Variants in PTH2R observed in about 807,000 individuals in gnomAD.
PTH2R encodes the protein PTH2 receptor.
In PTH2R, 59 loss-of-function variants were observed where a neutral mutation model predicts 60.3. The observed-to-expected ratio is 0.98, with a 90% CI of 0.79 to 1.22. The LOEUF (loss-of-function observed/expected upper bound fraction) is 1.22. Ranked by LOEUF, PTH2R falls within the 50% of genes most tolerant of loss-of-function variation. PTH2R has a pLI of 0.00. For synonymous variants in PTH2R, 256 were observed against 243.8 expected (o/e 1.05, Z -0.47); for missense variants, 749 against 682.6 (o/e 1.10, Z -1.08).
chr2:208,490,960 C>T (rs1703391589), intron 12 of PTH2R, among the ~76,000 whole-genome samples: 1 of 152,160 alleles, frequency 6.6e-6, no homozygotes, highest in Admixed American at 6.5e-5. Flanking sequence ...CAGTGAACAT[C>T]ATATTCTGGT....
chr2:208,475,607 A>T (rs546242963), intron 9 of PTH2R, among the ~76,000 whole-genome samples: 1 of 152,344 alleles, frequency 6.6e-6, no homozygotes, highest in Non-Finnish European at 1.5e-5. Flanking sequence ...TCCAATGTTT[A>T]TCTGACAACA....
intron 1 of PTH2R, among the ~76,000 whole-genome samples, chr2:208,369,370 CT>C (rs1035656784): frequency 1.3e-4 from 20 of 148,376 alleles, no homozygotes; most frequent in African/African-American, 4.8e-4. Flanking sequence ...GTCTCTCTCT[CT>C]TTTTTTTTTT....
chr2:208,464,412 C>T (rs1411309690), intron 9 of PTH2R, among the ~76,000 whole-genome samples: 1 of 152,140 alleles, frequency 6.6e-6, no homozygotes, highest in Non-Finnish European at 1.5e-5. Flanking sequence ...GACGGGCGCC[C>T]GAGGTCTCTT....
At chr2:208,432,325 C>T (rs185433686) in intron 2 of PTH2R, among the ~76,000 whole-genome samples, 217 of 152,136 alleles carry the variant, frequency 1.4e-3, no homozygotes, top group African/African-American at 4.7e-3. Flanking sequence ...TTAATAGGGA[C>T]GGCAGGCATC....
At chr2:208,395,099 G>A (rs888932310) in intron 1 of PTH2R, among the ~76,000 whole-genome samples, 3 of 151,720 alleles carry the variant, frequency 2.0e-5, no homozygotes, top group Admixed American at 1.3e-4. Flanking sequence ...CCAGGCTGGA[G>A]TGCAGTGGCG....
intron 1 of PTH2R, among the ~76,000 whole-genome samples, chr2:208,424,006 G>A (rs1157065041): frequency 1.3e-5 from 2 of 152,178 alleles, no homozygotes; most frequent in South Asian, 2.1e-4. Flanking sequence ...TGGTCCTGAT[G>A]TGTGGGGGTA....
chr2:208,438,993 A>G (rs946808855), intron 4 of PTH2R, among the ~76,000 whole-genome samples: 3 of 152,210 alleles, frequency 2.0e-5, no homozygotes, highest in Non-Finnish European at 1.5e-5. Flanking sequence ...AACATAAGTA[A>G]CATCAACATT....
chr2:208,476,180 A>G (rs1702998966), intron 9 of PTH2R, among the ~76,000 whole-genome samples: 1 of 152,170 alleles, frequency 6.6e-6, no homozygotes, highest in African/African-American at 2.4e-5. Flanking sequence ...AACAAGGTAC[A>G]TGCTTCTCAG....
At chr2:208,428,703 C>G (rs1268677973) in intron 2 of PTH2R, among the ~76,000 whole-genome samples, 1 of 152,218 alleles carries the variant, frequency 6.6e-6, no homozygotes, top group African/African-American at 2.4e-5. Flanking sequence ...CTACTTCATA[C>G]TTCTCTAAAT....
At chr2:208,379,733 G>A (rs760739437) in intron 1 of PTH2R, among the ~76,000 whole-genome samples, 32 of 151,894 alleles carry the variant, frequency 2.1e-4, no homozygotes, top group South Asian at 6.2e-4. Context: ...GGTGGTGTGC[G>A]CCTGTAATCC....
At chr2:208,362,384 C>A (rs575953663) in intron 1 of PTH2R, among the ~76,000 whole-genome samples, 1 of 152,136 alleles carries the variant, frequency 6.6e-6, no homozygotes, top group Non-Finnish European at 1.5e-5. Context: ...ATATATCAAT[C>A]CCATAGATAA....
intron 8 of PTH2R, among the ~76,000 whole-genome samples, chr2:208,459,326 C>T (rs1702584177): frequency 6.6e-6 from 1 of 152,064 alleles, no homozygotes; most frequent in African/African-American, 2.4e-5. Flanking sequence ...AATGCAAAAA[C>T]TACTCAATAT....
At chr2:208,396,669 A>G (rs1559207605) in intron 1 of PTH2R, among the ~76,000 whole-genome samples, 1 of 152,194 alleles carries the variant, frequency 6.6e-6, no homozygotes, top group South Asian at 2.1e-4. Context: ...GATGCTGGAG[A>G]GGATGTGGAG....
rs555754809 is a variant in PTH2R at position 208,428,257 on chromosome 2, G to A, written c.132G>A (p.Ala44=). Residue 44 remains alanine, a synonymous_variant, in exon 2 of 13, where the codon GCG becomes GCA. Coordinates refer to ENST00000272847, the MANE Select transcript of PTH2R (RefSeq NM_005048.4). Reference sequence around the variant, plus strand: ...AGCAGATTGTCCTTGTGCTGAAAGCGAAAGTACAATGTGAACTCAACATCA... The same window carrying A: ...AGCAGATTGTCCTTGTGCTGAAAGCAAAAGTACAATGTGAACTCAACATCA... ...IEEQIVLVLK[A]KVQCELNITA... 24 of 1,613,660 alleles carry A rather than the reference G, an allele frequency of 1.5e-5. No individual in the cohort carries two copies. Among genetic ancestry groups the A allele is most frequent in the Middle Eastern group, 1.6e-4 (1 of 6,062 alleles).
At chr2:208,456,964 T>A (rs1192617739) in intron 8 of PTH2R, among the ~76,000 whole-genome samples, 1 of 152,200 alleles carries the variant, frequency 6.6e-6, no homozygotes, top group Admixed American at 6.5e-5. Context: ...AGGTAGCTGG[T>A]TTTGACCTAC....
chr2:208,368,771 G>A (rs752869576), intron 1 of PTH2R, among the ~76,000 whole-genome samples: 3 of 152,196 alleles, frequency 2.0e-5, no homozygotes, highest in Admixed American at 6.5e-5. Flanking sequence ...TCCTCTGGTA[G>A]ATTAATTTGG....
chr2:208,387,861 T>C (rs887950429), intron 1 of PTH2R, among the ~76,000 whole-genome samples: 1 of 152,196 alleles, frequency 6.6e-6, no homozygotes, highest in East Asian at 1.9e-4. Flanking sequence ...AAATATCTTA[T>C]TCCAGGATCA....
chr2:208,360,859 C>T lies in PTH2R; in HGVS notation c.-259+622C>T, dbSNP rs117528337. Reference sequence around the variant, plus strand: ...AGCACCCCAAAGGGTATGTTGGAGTCCCATGGTGGAGGTGCCGGCCGCTCC... The same window carrying T: ...AGCACCCCAAAGGGTATGTTGGAGTTCCATGGTGGAGGTGCCGGCCGCTCC... On this transcript the variant is annotated intron_variant, in intron 1 of 12. Coordinates refer to the PTH2R transcript ENST00000617735. 89 of 168,746 alleles carry T rather than the reference C, an allele frequency of 5.3e-4. 1 individual carries two copies. In the East Asian group the frequency reaches 0.014, roughly 27 times the overall value. 10.5% of individuals were successfully genotyped at this position (168,746 alleles called of 1,614,324 possible).
intron 1 of PTH2R, among the ~76,000 whole-genome samples, chr2:208,372,565 G>T (rs540380295): frequency 1.3e-5 from 2 of 152,096 alleles, no homozygotes; most frequent in South Asian, 4.2e-4. Context: ...ACTATTTGTA[G>T]TAGCAAAACA....
Sources: gnomAD v4.1 joint callset for allele counts (sites outside exome capture counted in the v4.1 genomes callset) on GRCh38, gnomAD v4.1.1 for gene constraint, MANE v1.5 for transcripts, NCBI Gene and HGNC (gene_info 2026-07-23, HGNC 2026-07-21) for gene names.